Variants in PRKG1 observed in about 807,000 individuals in gnomAD.
PRKG1 encodes the protein protein kinase cGMP-dependent 1, also known as cGMP-dependent protein kinase 1.
In PRKG1, 35 loss-of-function variants were observed where a neutral mutation model predicts 88.1. The ratio of observed to expected loss-of-function variants is 0.40; its 90% CI spans 0.30 to 0.53. PRKG1 has a LOEUF of 0.53. PRKG1 is among the 20% of genes least tolerant of loss of function. The pLI, the probability that PRKG1 is intolerant of heterozygous loss-of-function variation, is 0.59. For missense variants in PRKG1, 540 were observed against 839.8 expected, an observed-to-expected ratio of 0.64 and a Z score of 4.41; for synonymous variants, 303 against 292.5, an observed-to-expected ratio of 1.04 and a Z score of -0.37.
intron 3 of PRKG1, among the ~76,000 whole-genome samples, chr10:51,597,689 A>G (rs1452089194): frequency 6.6e-6 from 1 of 152,200 alleles, no homozygotes; most frequent in Admixed American, 6.6e-5. Flanking sequence ...TGGCAAGAAA[A>G]TCAATATTGG....
intron 2 of PRKG1, among the ~76,000 whole-genome samples, chr10:51,230,258 C>T (rs988773340): frequency 2.0e-5 from 3 of 152,010 alleles, no homozygotes; most frequent in African/African-American, 7.3e-5. Context: ...AAAATAGTTT[C>T]AGAAGGGTAT....
At chr10:51,796,407 T>C (rs1839012412) in intron 3 of PRKG1, among the ~76,000 whole-genome samples, 1 of 152,128 alleles carries the variant, frequency 6.6e-6, no homozygotes, top group African/African-American at 2.4e-5. Context: ...TCCTAAGTTA[T>C]TTTACATACT....
chr10:51,132,875 C>T (rs1484932110), intron 1 of PRKG1, among the ~76,000 whole-genome samples: 1 of 151,822 alleles, frequency 6.6e-6, no homozygotes, highest in Non-Finnish European at 1.5e-5. Flanking sequence ...AATTATGCCA[C>T]ATCATATACA....
chr10:51,400,262 C>T (rs1837700656), intron 2 of PRKG1, among the ~76,000 whole-genome samples: 1 of 151,908 alleles, frequency 6.6e-6, no homozygotes, highest in Non-Finnish European at 1.5e-5. Context: ...AGAATATAAA[C>T]AAGGAAAAAT....
At chr10:51,674,616 A>G (rs11819466) in intron 3 of PRKG1, among the ~76,000 whole-genome samples, 22,374 of 152,178 alleles carry the variant, frequency 0.15, 1,930 homozygotes, top group Non-Finnish European at 0.2. Context: ...ATAACTTTAC[A>G]TCTCAAAACT....
At chr10:51,754,576 T>C (rs1837808908) in intron 3 of PRKG1, among the ~76,000 whole-genome samples, 1 of 152,176 alleles carries the variant, frequency 6.6e-6, no homozygotes, top group Non-Finnish European at 1.5e-5. Context: ...AAATGGGACT[T>C]CCTACATTGT....
chr10:51,874,237 A>G (rs1423111888), intron 4 of PRKG1, among the ~76,000 whole-genome samples: 1 of 152,178 alleles, frequency 6.6e-6, no homozygotes, highest in Non-Finnish European at 1.5e-5. Flanking sequence ...TTTGCCATCA[A>G]TCTGTGTGCT....
chr10:51,301,288 G>A (rs1388670529), intron 2 of PRKG1, among the ~76,000 whole-genome samples: 2 of 152,054 alleles, frequency 1.3e-5, no homozygotes, highest in Non-Finnish European at 2.9e-5. Context: ...TGGTATGTTT[G>A]GGAGTCAAAG....
At chr10:52,232,643 G>GT (rs931588708) in intron 9 of PRKG1, among the ~76,000 whole-genome samples, 1 of 152,014 alleles carries the variant, frequency 6.6e-6, no homozygotes, top group Non-Finnish European at 1.5e-5. Context: ...TGTTTTTCTT[G>GT]TGAGTGGCCA....
At chr10:51,893,316 T>C (rs1841767586) in intron 4 of PRKG1, among the ~76,000 whole-genome samples, 1 of 152,018 alleles carries the variant, frequency 6.6e-6, no homozygotes, top group African/African-American at 2.4e-5. Flanking sequence ...CTGTGGTTCC[T>C]GAAAAATAGC....
intron 5 of PRKG1, among the ~76,000 whole-genome samples, chr10:51,968,754 C>G (rs12411691): frequency 6.8e-6 from 1 of 146,858 alleles, no homozygotes; most frequent in African/African-American, 2.5e-5. Flanking sequence ...ATCCAGGAGG[C>G]GGAGGTTGCA....
intron 2 of PRKG1, among the ~76,000 whole-genome samples, chr10:51,300,859 A>T (rs1840864803): frequency 6.6e-6 from 1 of 152,206 alleles, no homozygotes. Context: ...AGAAGGCTCC[A>T]ATCCAAATAA....
rs185660749 is a variant in PRKG1, at chr10:51,785,285, A to G, written c.593-19300A>G. ...TAACCTCTAGTGTTTCCAGGTTTCCATGTTTGTCTTTTGCATAAACCTCTG... is the reference window on the plus strand; with the variant it reads ...TAACCTCTAGTGTTTCCAGGTTTCCGTGTTTGTCTTTTGCATAAACCTCTG... On this transcript the variant is annotated intron_variant, in intron 3 of 17. Transcript: ENST00000373980. Among the ~76,000 whole-genome samples, 18 of 152,084 alleles carry G rather than the reference A, an allele frequency of 1.2e-4. No homozygotes were observed. In the East Asian group the frequency reaches 3.5e-3, roughly 30 times the overall value.
chr10:51,773,794 T>A (rs1838365881), intron 3 of PRKG1, among the ~76,000 whole-genome samples: 2 of 152,128 alleles, frequency 1.3e-5, no homozygotes, highest in South Asian at 2.1e-4. Flanking sequence ...TTACATTTGA[T>A]GCTTTAAGGC....
intron 5 of PRKG1, among the ~76,000 whole-genome samples, chr10:51,952,914 A>C (rs1322814125): frequency 1.3e-5 from 2 of 152,216 alleles, no homozygotes; most frequent in African/African-American, 4.8e-5. Flanking sequence ...AGAGCCTGGG[A>C]CAGTGTGATT....
chr10:52,068,182 G>A (rs1276461866), intron 7 of PRKG1, among the ~76,000 whole-genome samples: 1 of 79,826 alleles, frequency 1.3e-5, no homozygotes, highest in Non-Finnish European at 2.7e-5. Context: ...CAGCCTGGGC[G>A]ACAGAGCGAA....
intron 9 of PRKG1, among the ~76,000 whole-genome samples, chr10:52,222,088 TG>T (rs1840258693): frequency 6.6e-6 from 1 of 151,912 alleles, no homozygotes; most frequent in Non-Finnish European, 1.5e-5. Context: ...ATTGGGTGAG[TG>T]GGTAAGGAGG....
chr10:51,896,553 A>G (rs1325775856), intron 4 of PRKG1, among the ~76,000 whole-genome samples: 3 of 143,556 alleles, frequency 2.1e-5, no homozygotes, highest in Non-Finnish European at 4.6e-5. Context: ...ACAAAAAAAT[A>G]AAATAAAAAT....
In PRKG1 at chr10:52,088,971, A is replaced by T. The variant is rs1846984409; in HGVS notation, c.935+26340A>T. On this transcript the variant is annotated intron_variant, in intron 7 of 17. Transcript: ENST00000373980. ...GGTGTATGGCACATGAGTGATTGAAACTTTATTTCAGATGTATTTCTGTAT... is the reference window on the plus strand; with the variant it reads ...GGTGTATGGCACATGAGTGATTGAATCTTTATTTCAGATGTATTTCTGTAT... Among the ~76,000 whole-genome samples, 3 of 152,170 alleles carry T rather than the reference A, an allele frequency of 2.0e-5. No homozygotes were observed. In the South Asian group the frequency reaches 6.2e-4, roughly 32 times the overall value.
Sources: gnomAD v4.1 joint callset for allele counts (sites outside exome capture counted in the v4.1 genomes callset) on GRCh38, gnomAD v4.1.1 for gene constraint, MANE v1.5 for transcripts, NCBI Gene and HGNC (gene_info 2026-07-23, HGNC 2026-07-21) for gene names.